The following ASMT variants were observed in gnomAD, a reference collection of about 807,000 sequenced individuals.
The protein encoded by ASMT is acetylserotonin O-methyltransferase, also known as acetylserotonin N-methyltransferase.
Under a neutral mutation model 41.3 loss-of-function variants are expected in ASMT, and 53 were observed. The ratio of observed to expected loss-of-function variants is 1.28; its 90% CI spans 1.03 to 1.61. ASMT has a LOEUF of 1.61. Ranked by LOEUF, ASMT falls within the 40% of genes most tolerant of loss-of-function variation. The probability of loss-of-function intolerance (pLI) is 0.00; values close to 1 mark genes in which losing one functional copy is unlikely to be tolerated. For missense variants in ASMT, 531 were observed against 441.3 expected (o/e 1.20, Z -1.82); for synonymous variants, 231 against 184.8 (o/e 1.25, Z -2.03).
At chrX:1,616,696 C>T (rs1192940714) in intron 1 of ASMT, among the ~76,000 whole-genome samples, 1 of 151,022 alleles carries the variant, frequency 6.6e-6, no homozygotes, top group Non-Finnish European at 1.5e-5. Flanking sequence ...ATAGTGAGAC[C>T]CCCCATTTCT....
intron 4 of ASMT, among the ~76,000 whole-genome samples, chrX:1,628,547 G>T (rs752785988): frequency 3.3e-5 from 5 of 152,146 alleles, no homozygotes; most frequent in African/African-American, 1.2e-4. Flanking sequence ...AAGGACAAGG[G>T]GATGCCTGAG....
At position 1,628,324 on chromosome X, in the gene ASMT, A is replaced by T. The variant is rs138495903; in HGVS notation, c.443+553A>T. ...CAACAAGAGTGAAACTCCATCTCAAAAAAGAAAAGAAAAGAATATAGAGGC... is the reference window on the plus strand; with the variant it reads ...CAACAAGAGTGAAACTCCATCTCAATAAAGAAAAGAAAAGAATATAGAGGC... On this transcript the variant is annotated intron_variant, in intron 4 of 8. Coordinates refer to ENST00000381241, the MANE Select transcript of ASMT (RefSeq NM_001171038.2). Among the ~76,000 whole-genome samples, 332 of 152,310 alleles carry T rather than the reference A, an allele frequency of 2.2e-3. 1 individual carries two copies. The highest frequency in any genetic ancestry group is 7.7e-3 in the African/African-American group (321 of 41,570).
At chrX:1,615,481 C>G (rs1934049309) in intron 1 of ASMT, among the ~76,000 whole-genome samples, 1 of 152,018 alleles carries the variant, frequency 6.6e-6, no homozygotes, top group Non-Finnish European at 1.5e-5. Flanking sequence ...ATACATTTTA[C>G]AGAGACATGA....
chrX:1,632,991 C>T lies in ASMT; in HGVS notation c.647-159C>T, dbSNP rs756182175. ...AAAACCGCATGTTCTGCACATGTAC[C>T]CTAGAACTTAAAGTATAATAAAAAG... On this transcript the variant is annotated intron_variant, in intron 6 of 8. Transcript: ENST00000381241. 41 of 233,118 alleles carry T rather than the reference C, an allele frequency of 1.8e-4. 1 individual carries two copies. The highest frequency in any genetic ancestry group is 2.6e-4 in the Non-Finnish European group (38 of 147,194). 14.4% of individuals were successfully genotyped at this position (233,118 alleles called of 1,614,324 possible). A position where few individuals can be genotyped will look rare whatever the true frequency, so the allele number is the denominator to read the frequency against.
At chrX:1,642,661 G>A (rs73174055) in intron 8 of ASMT, 142 bp from the exon 9 acceptor site, 18 of 754,876 alleles carry the variant, frequency 2.4e-5, no homozygotes, top group East Asian at 7.8e-5. Flanking sequence ...CGATGAGGAC[G>A]TGGGCACAGC....
At position 1,629,954 on chromosome X, in the gene ASMT, C is replaced by A. The variant is rs1337629789; in HGVS notation, c.562+15C>A. ...TGACCTTGGTGGTAAGTACCCCTCACCACTAATACCTCGGAGGTGTGGCTT... is the reference window on the plus strand; with the variant it reads ...TGACCTTGGTGGTAAGTACCCCTCAACACTAATACCTCGGAGGTGTGGCTT... On this transcript the variant is annotated intron_variant, in intron 5 of 8. Transcript: ENST00000381241. 2.8e-5 allele frequency: 44 copies of A among 1,590,038 alleles called. No homozygotes were observed. The highest frequency in any genetic ancestry group is 3.4e-5 in the Non-Finnish European group (39 of 1,158,162).
chrX:1,631,503 G>T (rs1934775438), intron 5 of ASMT, among the ~76,000 whole-genome samples: 1 of 152,084 alleles, frequency 6.6e-6, no homozygotes, highest in South Asian at 2.1e-4. Context: ...GCTCCTGGCT[G>T]GTAGAAGGCC....
intron 4 of ASMT, among the ~76,000 whole-genome samples, chrX:1,628,928 TTCTTTCTCTCTC>T (rs1348302954): frequency 8.2e-6 from 1 of 121,250 alleles, no homozygotes; most frequent in African/African-American, 3.4e-5. Context: ...GTTTCTCTCT[TTCTTTCTCTCTC>T]TCTTTCTTTC....
intron 7 of ASMT, among the ~76,000 whole-genome samples, chrX:1,635,584 G>C (rs1433596645): frequency 6.6e-6 from 1 of 152,096 alleles, no homozygotes; most frequent in African/African-American, 2.4e-5. Flanking sequence ...AACATGGGCC[G>C]GGCACAGCAG....
chrX:1,615,317 A>G (rs374423530), intron 1 of ASMT, 49 bp downstream of exon 1: 4 of 1,486,190 alleles, frequency 2.7e-6, no homozygotes, highest in Non-Finnish European at 3.7e-6. Flanking sequence ...CGTTCATCAC[A>G]CTCACGTTCC....
chrX:1,629,676 ACT>A (rs1934695747), intron 4 of ASMT, 143 bp from the exon 5 acceptor site: 1 of 821,022 alleles, frequency 1.2e-6, no homozygotes, highest in South Asian at 1.3e-5. Context: ...ATCCCGAATG[ACT>A]TCCTGTTCCA....
At chrX:1,623,527 A>G (rs1259800451) in intron 2 of ASMT, among the ~76,000 whole-genome samples, 5 of 152,132 alleles carry the variant, frequency 3.3e-5, no homozygotes, top group Non-Finnish European at 7.4e-5. Flanking sequence ...TGAACCCGGG[A>G]GGCAGAGGTT....
At chrX:1,621,049 T>C (rs1434427971) in intron 1 of ASMT, among the ~76,000 whole-genome samples, 2 of 151,920 alleles carry the variant, frequency 1.3e-5, no homozygotes, top group East Asian at 1.9e-4. Context: ...TGAGCCGAGA[T>C]TGCACCGCTG....
rs756310135 is a variant in ASMT at position 1,628,046 on chromosome X, C to A, written c.443+275C>A. The A allele has an allele frequency of 2.7e-5, 14 of 525,678 alleles. No homozygotes were observed. In the Admixed American group the frequency reaches 3.1e-4, roughly 11 times the overall value. The allele number at this position is 525,678 out of a possible 1,614,324, so 32.6% of individuals were successfully genotyped here. On this transcript the variant is annotated intron_variant, in intron 4 of 8. Transcript: ENST00000381241. The stretch of plus-strand genomic sequence containing the variant: ...GTAGAAAATGGAGGCACGCGCCGGG[C>A]GCGGTGGCTCACGCCTGTCATCCCA...
Position 1,616,658 on chromosome X carries a change from C to G in ASMT, c.69+1390C>G, listed in dbSNP as rs1326259683. On this transcript the variant is annotated intron_variant, in intron 1 of 8. Transcript: ENST00000381241. ...TCCGAAACGAGGGAATCGCTTTAGC[C>G]CAGGAATTCGAGACCAGTCTGGGCA... Among the ~76,000 whole-genome samples the G allele has an allele frequency of 2.6e-5, 4 of 151,338 alleles. No homozygotes were observed. In the East Asian group the frequency reaches 7.7e-4, roughly 29 times the overall value.
intron 1 of ASMT, among the ~76,000 whole-genome samples, chrX:1,620,771 C>T (rs1172224029): frequency 5.3e-5 from 8 of 152,102 alleles, no homozygotes; most frequent in Non-Finnish European, 1.0e-4. Flanking sequence ...CACCTGTAGT[C>T]CCAGCTAGTC....
chrX:1,625,345 C>G (rs1313511313), intron 3 of ASMT, among the ~76,000 whole-genome samples: 2 of 151,440 alleles, frequency 1.3e-5, no homozygotes, highest in African/African-American at 4.8e-5. Flanking sequence ...ACCTCGTGAT[C>G]TGCCTGCCTA....
chrX:1,629,600 C>T lies in ASMT; in HGVS notation c.444-221C>T, dbSNP rs753170946. 5.9e-5 allele frequency among the ~76,000 whole-genome samples: 9 copies of T among 152,274 alleles called. No homozygotes were observed. In the South Asian group the frequency reaches 1.7e-3, roughly 28 times the overall value. On this transcript the variant is annotated intron_variant, in intron 4 of 8. Transcript: ENST00000381241. ...CCTTCCCATCCAGAGAACAATCGTCCGTTCTGAATCAACTCCAGGTTTCCC... is the reference window on the plus strand; with the variant it reads ...CCTTCCCATCCAGAGAACAATCGTCTGTTCTGAATCAACTCCAGGTTTCCC...
intron 5 of ASMT, 51 bp downstream of exon 5, chrX:1,629,990 T>C (rs373902805): frequency 3.0e-5 from 42 of 1,420,308 alleles, no homozygotes; most frequent in Non-Finnish European, 4.0e-5. Context: ...CTGTTCTGTA[T>C]GGGGAATGTG....
Sources: allele counts gnomAD v4.1 joint callset (sites outside exome capture counted in the v4.1 genomes callset), GRCh38; gene constraint gnomAD v4.1.1; transcripts MANE v1.5; gene names NCBI Gene and HGNC (gene_info 2026-07-23, HGNC 2026-07-21).